TENM3: variants seen among roughly 807,000 people sequenced by gnomAD.
TENM3 encodes teneurin-3.
Under a neutral mutation model 255.1 loss-of-function variants are expected in TENM3, and 63 were observed. The observed-to-expected ratio is 0.25, with a 90% CI of 0.20 to 0.30. TENM3 has a LOEUF of 0.30. TENM3 is among the 10% of genes least tolerant of loss of function. The pLI is 1.00. For missense variants in TENM3, 2,929 were observed against 3,461.1 expected (o/e 0.85, Z 3.86); for synonymous variants, 1,306 against 1,322.3 (o/e 0.99, Z 0.27).
chr4:182,545,765 C>T (rs1202622855), intron 3 of TENM3, among the ~76,000 whole-genome samples: 2 of 152,108 alleles, frequency 1.3e-5, no homozygotes, highest in Non-Finnish European at 2.9e-5. Flanking sequence ...CCTCACTGCC[C>T]TATTTAGGTA....
At chr4:181,586,803 G>A in the TENM3 span, among the ~76,000 whole-genome samples, 1 of 152,084 alleles carries the variant, frequency 6.6e-6, no homozygotes, top group East Asian at 1.9e-4. Context: ...TCGCACCACT[G>A]CACTCCAGCC....
intron 12 of TENM3, among the ~76,000 whole-genome samples, chr4:182,693,219 C>A (rs919504791): frequency 6.6e-6 from 1 of 152,092 alleles, no homozygotes; most frequent in Non-Finnish European, 1.5e-5. Flanking sequence ...ATACTGAGAA[C>A]AATTTCTTAC....
intron 1 of TENM3, among the ~76,000 whole-genome samples, chr4:182,304,053 C>T (rs529216441): frequency 6.7e-4 from 101 of 151,468 alleles, no homozygotes; most frequent in Non-Finnish European, 8.7e-4. Context: ...TTTGCTAGAT[C>T]ATCACATTTC....
At chr4:182,207,578 G>A (rs1026911437) in intron 1 of TENM3, among the ~76,000 whole-genome samples, 4 of 152,092 alleles carry the variant, frequency 2.6e-5, no homozygotes, top group Non-Finnish European at 5.9e-5. Context: ...ACAAATTGAA[G>A]CTGCCAGCTA....
the TENM3 span, among the ~76,000 whole-genome samples, chr4:181,990,229 A>G: frequency 6.6e-6 from 1 of 152,174 alleles, no homozygotes; most frequent in South Asian, 2.1e-4. Flanking sequence ...TAAAGAAGAC[A>G]TATAAGTATT....
At chr4:181,604,730 G>A in the TENM3 span, among the ~76,000 whole-genome samples, 2 of 152,008 alleles carry the variant, frequency 1.3e-5, no homozygotes, top group Non-Finnish European at 2.9e-5. Flanking sequence ...TCATCACCAC[G>A]ACTGTTTACC....
At chr4:182,379,953 T>TCAACAA (rs376801266) in intron 3 of TENM3, among the ~76,000 whole-genome samples, 1 of 151,988 alleles carries the variant, frequency 6.6e-6, no homozygotes, top group Non-Finnish European at 1.5e-5. Flanking sequence ...GCTAGCTATT[T>TCAACAA]CAACAACAAC....
At chr4:182,693,541 G>A (rs527571256) in intron 12 of TENM3, among the ~76,000 whole-genome samples, 51 of 152,208 alleles carry the variant, frequency 3.4e-4, no homozygotes, top group Middle Eastern at 3.4e-3. Flanking sequence ...GTTTCACCGC[G>A]TTGGCCAGGC....
chr4:181,544,563 C>T, the TENM3 span, among the ~76,000 whole-genome samples: 34 of 152,248 alleles, frequency 2.2e-4, no homozygotes, highest in Admixed American at 1.2e-3. Context: ...TGCCCCCTGC[C>T]GCTGTCAGTT....
At chr4:182,211,286 T>C (rs72696049) in intron 1 of TENM3, among the ~76,000 whole-genome samples, 4,426 of 152,350 alleles carry the variant, frequency 0.029, 101 homozygotes, top group Non-Finnish European at 0.041. Context: ...TTTTTTATAC[T>C]TTTGTCTTTT....
At chr4:182,190,789 A>G (rs920437465) in intron 1 of TENM3, among the ~76,000 whole-genome samples, 30 of 152,178 alleles carry the variant, frequency 2.0e-4, no homozygotes, top group African/African-American at 7.0e-4. Flanking sequence ...AAAGAAACAC[A>G]TTGAAAATGG....
At chr4:181,853,607 A>G in the TENM3 span, among the ~76,000 whole-genome samples, 1 of 152,216 alleles carries the variant, frequency 6.6e-6, no homozygotes. Flanking sequence ...TTTTTTCTGA[A>G]TAAGGGTGGG....
rs1312872875 is a variant in TENM3 at position 182,679,816 on chromosome 4, C to G, written c.1477C>G (p.Leu493Val). ...IQYLDSGIWHLAFYNDGKNAE... is the reference protein window; with the variant it reads ...IQYLDSGIWHVAFYNDGKNAE... ...GTACTTGGATTCTGGAATCTGGCAT[C>G]TGGCTTTTTATAATGATGGGAAAAA... Residue 493 changes from leucine to valine, a missense_variant, in exon 8 of 28, where the codon CTG (leucine) becomes GTG (valine). By Grantham distance (32) the Leu-to-Val change is conservative. Around this residue, in one of 6 missense-constraint regions of TENM3, gnomAD observed 1,608 missense variants for 1,884.4 expected, o/e 0.85. Coordinates refer to ENST00000511685, the MANE Select transcript of TENM3 (RefSeq NM_001080477.4). 1 of 1,613,874 alleles carries G rather than the reference C, an allele frequency of 6.2e-7. No homozygotes were observed.
At chr4:181,766,089 C>A in the TENM3 span, among the ~76,000 whole-genome samples, 1 of 152,208 alleles carries the variant, frequency 6.6e-6, no homozygotes, top group African/African-American at 2.4e-5. Context: ...TCTGAAATTT[C>A]TCTGCATGTT....
At chr4:182,600,874 T>TAG (rs1430856306) in intron 3 of TENM3, 50 bp from the exon 4 acceptor site, 1 of 931,224 alleles carries the variant, frequency 1.1e-6, no homozygotes. Context: ...TATACATATA[T>TAG]ATATATATAA....
At chr4:181,704,570 C>A in the TENM3 span, among the ~76,000 whole-genome samples, 1 of 152,088 alleles carries the variant, frequency 6.6e-6, no homozygotes, top group Non-Finnish European at 1.5e-5. Context: ...TTAGAACATA[C>A]AAACACAAAG....
At chr4:181,700,853 G>A in the TENM3 span, among the ~76,000 whole-genome samples, 327 of 152,308 alleles carry the variant, frequency 2.1e-3, 2 homozygotes, top group African/African-American at 7.3e-3. Flanking sequence ...ACTAGAAAAG[G>A]AGAATATTGA....
intron 3 of TENM3, among the ~76,000 whole-genome samples, chr4:182,348,540 GATA>G (rs1213429503): frequency 6.6e-6 from 1 of 152,050 alleles, no homozygotes; most frequent in Non-Finnish European, 1.5e-5. Flanking sequence ...AATGCAGCAG[GATA>G]ATGCGATCAG....
the TENM3 span, among the ~76,000 whole-genome samples, chr4:181,542,952 C>G: frequency 6.6e-6 from 1 of 152,150 alleles, no homozygotes; most frequent in African/African-American, 2.4e-5. Context: ...GTATTATTTC[C>G]TCTTCAGACC....
Sources: allele counts gnomAD v4.1 joint callset (sites outside exome capture counted in the v4.1 genomes callset), GRCh38; gene constraint gnomAD v4.1.1; regional missense constraint gnomAD v4.1.1; transcripts MANE v1.5; gene names NCBI Gene and HGNC (gene_info 2026-07-23, HGNC 2026-07-21).